The following CNTN4 variants were observed in gnomAD, a reference collection of about 807,000 sequenced individuals.
CNTN4 encodes the protein contactin-4.
Under a neutral mutation model 122.5 loss-of-function variants are expected in CNTN4, and 77 were observed. That is an observed-to-expected ratio of 0.63 (90% CI 0.52 to 0.76). The LOEUF (loss-of-function observed/expected upper bound fraction) is 0.76. Among genes scored for constraint, CNTN4 ranks in the 30% least tolerant of loss-of-function variants. CNTN4 has a pLI of 0.00. For missense variants in CNTN4, 1,256 were observed against 1,259.1 expected, an observed-to-expected ratio of 1.00 and a Z score of 0.04; for synonymous variants, 512 against 447.0, an observed-to-expected ratio of 1.15 and a Z score of -1.83.
At chr3:2,587,725 C>T (rs2080269233) in intron 4 of CNTN4, among the ~76,000 whole-genome samples, 1 of 152,162 alleles carries the variant, frequency 6.6e-6, no homozygotes, top group Admixed American at 6.5e-5. Flanking sequence ...ATTATTTAAA[C>T]TTGCTCTCCA....
intron 3 of CNTN4, among the ~76,000 whole-genome samples, chr3:2,558,147 A>G (rs868324567): frequency 2.0e-5 from 3 of 152,236 alleles, no homozygotes; most frequent in African/African-American, 7.2e-5. Context: ...GAAAAGTTGC[A>G]AAAATGTCAG....
In CNTN4 at chr3:2,571,687, G is replaced by C. The variant is rs115253404; in HGVS notation, c.55+129G>C. On this transcript the variant is annotated intron_variant, in intron 4 of 24. Coordinates refer to ENST00000418658, the MANE Select transcript of CNTN4 (RefSeq NM_175607.3). ...GTATATGCTGCTATGACTAGCATTT[G>C]CTGACACTGTTGAATATACCTTCCT... is the stretch of plus-strand genomic sequence containing the variant. 1,738 of 733,216 alleles carry C rather than the reference G, an allele frequency of 2.4e-3. 19 individuals carry two copies. The African/African-American group carries it at 0.026, about 11-fold the overall frequency. 45.4% of individuals were successfully genotyped at this position (733,216 alleles called of 1,614,324 possible).
intron 6 of CNTN4, among the ~76,000 whole-genome samples, chr3:2,777,439 C>T (rs537944270): frequency 2.6e-5 from 4 of 152,198 alleles, no homozygotes; most frequent in African/African-American, 4.8e-5. Flanking sequence ...CTTATGTTTT[C>T]GACTGAATAA....
At chr3:2,386,862 G>A (rs1052206879) in intron 3 of CNTN4, among the ~76,000 whole-genome samples, 1 of 152,128 alleles carries the variant, frequency 6.6e-6, no homozygotes, top group African/African-American at 2.4e-5. Context: ...GATAATTATT[G>A]CAGATATTTG....
chr3:2,625,839 A>G (rs553139725), intron 4 of CNTN4, among the ~76,000 whole-genome samples: 3 of 152,274 alleles, frequency 2.0e-5, no homozygotes, highest in African/African-American at 4.8e-5. Context: ...TTGACTCATG[A>G]GGTATTTATA....
chr3:2,462,082 G>A (rs1035478771), intron 3 of CNTN4, among the ~76,000 whole-genome samples: 9 of 152,094 alleles, frequency 5.9e-5, no homozygotes, highest in African/African-American at 2.2e-4. Flanking sequence ...CCATCCTCAA[G>A]TACACAAGAT....
At chr3:2,462,914 G>C (rs1282562927) in intron 3 of CNTN4, among the ~76,000 whole-genome samples, 1 of 151,944 alleles carries the variant, frequency 6.6e-6, no homozygotes, top group Non-Finnish European at 1.5e-5. Flanking sequence ...ATTATTAATG[G>C]GATATTTTAC....
At chr3:2,754,583 G>A (rs1303752973) in intron 6 of CNTN4, among the ~76,000 whole-genome samples, 4 of 151,998 alleles carry the variant, frequency 2.6e-5, no homozygotes, top group Non-Finnish European at 4.4e-5. Flanking sequence ...TGTGTTAAGG[G>A]GAAGGGCATA....
At chr3:2,125,461 G>A (rs930370836) in intron 2 of CNTN4, among the ~76,000 whole-genome samples, 12 of 151,926 alleles carry the variant, frequency 7.9e-5, no homozygotes, top group African/African-American at 2.9e-4. Context: ...CAATGATCAT[G>A]GGAGTGCAGA....
At chr3:2,858,994 C>T (rs544553302) in intron 7 of CNTN4, among the ~76,000 whole-genome samples, 2 of 152,274 alleles carry the variant, frequency 1.3e-5, no homozygotes, top group African/African-American at 4.8e-5. Context: ...TGTACAATAG[C>T]TCTCTTGAAC....
intron 3 of CNTN4, among the ~76,000 whole-genome samples, chr3:2,434,948 A>G (rs1265387101): frequency 1.3e-5 from 2 of 152,176 alleles, no homozygotes; most frequent in Non-Finnish European, 2.9e-5. Flanking sequence ...AAGCTCTCTT[A>G]AACTCTGAGA....
At chr3:2,635,540 T>C (rs560012271) in intron 4 of CNTN4, among the ~76,000 whole-genome samples, 23 of 152,328 alleles carry the variant, frequency 1.5e-4, no homozygotes, top group Admixed American at 1.2e-3. Context: ...CAATTTTCTG[T>C]TCCTTTGTCT....
intron 13 of CNTN4, among the ~76,000 whole-genome samples, chr3:2,986,130 G>C (rs1292362842): frequency 6.6e-6 from 1 of 151,882 alleles, no homozygotes; most frequent in Non-Finnish European, 1.5e-5. Flanking sequence ...GCCCAGACTG[G>C]TCTCAAACTC....
At chr3:2,929,997 A>T (rs1364237782) in intron 13 of CNTN4, among the ~76,000 whole-genome samples, 2 of 152,184 alleles carry the variant, frequency 1.3e-5, no homozygotes, top group Non-Finnish European at 2.9e-5. Flanking sequence ...CCTGGTTACT[A>T]ATAATGATGG....
chr3:2,265,675 A>G (rs2041014290), intron 2 of CNTN4, among the ~76,000 whole-genome samples: 1 of 152,006 alleles, frequency 6.6e-6, no homozygotes, highest in African/African-American at 2.4e-5. Context: ...TATTTTAGCA[A>G]TATTAATTCT....
At chr3:2,407,200 G>A (rs1356000493) in intron 3 of CNTN4, among the ~76,000 whole-genome samples, 2 of 152,024 alleles carry the variant, frequency 1.3e-5, no homozygotes, top group African/African-American at 2.4e-5. Context: ...TAAGATTACA[G>A]GCATATTTGC....
At chr3:2,745,034 C>G (rs1431039057) in intron 5 of CNTN4, among the ~76,000 whole-genome samples, 1 of 152,200 alleles carries the variant, frequency 6.6e-6, no homozygotes, top group African/African-American at 2.4e-5. Flanking sequence ...TGCTTTGCAG[C>G]CAGCCATTGC....
intron 12 of CNTN4, among the ~76,000 whole-genome samples, chr3:2,910,839 A>C (rs979379722): frequency 6.6e-6 from 1 of 152,214 alleles, no homozygotes; most frequent in African/African-American, 2.4e-5. Flanking sequence ...CAAGATAGTC[A>C]AAAGGGAAGC....
chr3:2,867,090 A>G (rs1009671362), intron 8 of CNTN4, 141 bp downstream of exon 8: 5 of 761,698 alleles, frequency 6.6e-6, no homozygotes, highest in Admixed American at 6.5e-5. Flanking sequence ...TTTGGTACCC[A>G]TATTTTCTCC....
Sources: allele counts gnomAD v4.1 joint callset (sites outside exome capture counted in the v4.1 genomes callset), GRCh38; gene constraint gnomAD v4.1.1; transcripts MANE v1.5; gene names NCBI Gene and HGNC (gene_info 2026-07-23, HGNC 2026-07-21).